ASIC2: variants seen among roughly 807,000 people sequenced by gnomAD.
The protein encoded by ASIC2 is acid-sensing ion channel 2.
In ASIC2, 25 loss-of-function variants were observed where a neutral mutation model predicts 57.3. That is an observed-to-expected ratio of 0.44 (90% CI 0.32 to 0.61). ASIC2 has a LOEUF of 0.61. Ranked by LOEUF, ASIC2 falls within the 20% of genes least tolerant of loss-of-function variation. ASIC2 has a pLI of 0.06. For synonymous variants in ASIC2, 319 were observed against 307.5 expected (o/e 1.04, Z -0.39); for missense variants, 641 against 738.1 (o/e 0.87, Z 1.52).
chr17:33,721,886 G>C (rs1343685076), intron 1 of ASIC2, among the ~76,000 whole-genome samples: 1 of 152,224 alleles, frequency 6.6e-6, no homozygotes, highest in Admixed American at 6.5e-5. Flanking sequence ...GGCCAGTGTG[G>C]CTGGGTCAAA....
At chr17:33,234,971 C>T (rs1908238394) in intron 1 of ASIC2, among the ~76,000 whole-genome samples, 1 of 152,236 alleles carries the variant, frequency 6.6e-6, no homozygotes, top group Non-Finnish European at 1.5e-5. Context: ...AGGCCAGACA[C>T]AAAACTGCGG....
intron 1 of ASIC2, among the ~76,000 whole-genome samples, chr17:33,140,925 A>G (rs959132192): frequency 6.6e-6 from 1 of 152,238 alleles, no homozygotes; most frequent in Non-Finnish European, 1.5e-5. Context: ...ACAGAACCAC[A>G]AGACATGGAC....
At chr17:33,354,672 C>T (rs1023169270) in intron 1 of ASIC2, among the ~76,000 whole-genome samples, 13 of 152,004 alleles carry the variant, frequency 8.6e-5, no homozygotes, top group African/African-American at 3.1e-4. Context: ...TTCAGCTTTC[C>T]CAGGGATCTG....
At chr17:33,785,837 G>A (rs1444780592) in intron 1 of ASIC2, among the ~76,000 whole-genome samples, 1 of 152,166 alleles carries the variant, frequency 6.6e-6, no homozygotes, top group African/African-American at 2.4e-5. Context: ...TCAGGAAGAT[G>A]GCAAGACCAG....
intron 1 of ASIC2, among the ~76,000 whole-genome samples, chr17:33,132,572 CACAT>C (rs1318782889): frequency 6.6e-6 from 1 of 152,214 alleles, no homozygotes; most frequent in Non-Finnish European, 1.5e-5. Context: ...CAGACTCACA[CACAT>C]GCATGCACGT....
intron 1 of ASIC2, among the ~76,000 whole-genome samples, chr17:34,051,229 CTCCTCTTTAA>C (rs1175149613): frequency 2.0e-5 from 3 of 152,198 alleles, no homozygotes; most frequent in African/African-American, 7.2e-5. Context: ...TGACGTGTGA[CTCCTCTTTAA>C]TCCTCTTAGC....
chr17:33,645,283 G>T (rs561068793), intron 1 of ASIC2, among the ~76,000 whole-genome samples: 3 of 152,330 alleles, frequency 2.0e-5, no homozygotes, highest in African/African-American at 7.2e-5. Context: ...TAGGTAGGCA[G>T]AGATGACAAG....
chr17:34,070,321 G>A (rs1297780725), intron 1 of ASIC2: 2 of 151,974 alleles, frequency 1.3e-5, no homozygotes, highest in African/African-American at 4.8e-5. Flanking sequence ...GGGATACTGA[G>A]TATCAGGTTT....
At chr17:33,901,107 C>T (rs1915222494) in intron 1 of ASIC2, among the ~76,000 whole-genome samples, 1 of 152,178 alleles carries the variant, frequency 6.6e-6, no homozygotes, top group Non-Finnish European at 1.5e-5. Flanking sequence ...TGCTTCTGAC[C>T]TGTCTGCCCT....
chr17:33,505,946 T>A (rs1047601488), intron 1 of ASIC2, among the ~76,000 whole-genome samples: 6 of 152,154 alleles, frequency 3.9e-5, no homozygotes, highest in Non-Finnish European at 8.8e-5. Context: ...TTCAAGCTCC[T>A]TGAAAAAAGG....
chr17:33,366,927 G>T (rs982710991), intron 1 of ASIC2, among the ~76,000 whole-genome samples: 1 of 152,204 alleles, frequency 6.6e-6, no homozygotes, highest in Non-Finnish European at 1.5e-5. Flanking sequence ...CATACACTTT[G>T]TTAGGTGGCA....
At chr17:33,590,007 C>T (rs1200725927) in intron 1 of ASIC2, among the ~76,000 whole-genome samples, 4 of 152,156 alleles carry the variant, frequency 2.6e-5, no homozygotes, top group African/African-American at 9.7e-5. Context: ...GGGTGGTCCA[C>T]CCATCATATA....
intron 1 of ASIC2, among the ~76,000 whole-genome samples, chr17:33,391,648 T>G (rs1463635956): frequency 1.3e-5 from 2 of 152,216 alleles, no homozygotes; most frequent in East Asian, 1.9e-4. Flanking sequence ...AATATCTAAG[T>G]GCCTTGACCT....
intron 1 of ASIC2, among the ~76,000 whole-genome samples, chr17:34,045,043 C>A (rs1350816357): frequency 6.6e-6 from 1 of 152,132 alleles, no homozygotes; most frequent in Non-Finnish European, 1.5e-5. Context: ...TGAGTCCTTC[C>A]ATAGAGGGAC....
chr17:33,334,756 C>T (rs963293865), intron 1 of ASIC2, among the ~76,000 whole-genome samples: 8 of 152,204 alleles, frequency 5.3e-5, no homozygotes, highest in African/African-American at 1.9e-4. Flanking sequence ...GTCATCCTCT[C>T]TTGACATGTA....
chr17:33,247,308 AT>A (rs1470064892), intron 1 of ASIC2, among the ~76,000 whole-genome samples: 4 of 152,076 alleles, frequency 2.6e-5, no homozygotes, highest in Non-Finnish European at 4.4e-5. Flanking sequence ...AAAATTATAT[AT>A]TTCGTGAAAT....
At chr17:33,160,367 T>C (rs1220066507) in intron 1 of ASIC2, among the ~76,000 whole-genome samples, 1 of 152,090 alleles carries the variant, frequency 6.6e-6, no homozygotes, top group Non-Finnish European at 1.5e-5. Context: ...AGTCTCAGAG[T>C]TGTAGAAACT....
At chr17:33,169,347 T>G (rs1193738050) in intron 1 of ASIC2, among the ~76,000 whole-genome samples, 1 of 152,180 alleles carries the variant, frequency 6.6e-6, no homozygotes, top group Non-Finnish European at 1.5e-5. Context: ...TCTCCCATTG[T>G]CCATGGTGCT....
At chr17:33,271,244 G>A (rs1415972428) in intron 1 of ASIC2, among the ~76,000 whole-genome samples, 4 of 151,814 alleles carry the variant, frequency 2.6e-5, no homozygotes, top group South Asian at 2.1e-4. Context: ...AAATGTTGGC[G>A]AATCCAGGGC....
Sources: allele counts gnomAD v4.1 joint callset (sites outside exome capture counted in the v4.1 genomes callset), GRCh38; gene constraint gnomAD v4.1.1; transcripts MANE v1.5; gene names NCBI Gene and HGNC (gene_info 2026-07-23, HGNC 2026-07-21).